AGAP1: variants seen among roughly 807,000 people sequenced by gnomAD.
AGAP1 encodes ArfGAP with GTPase domain, ankyrin repeat and PH domain 1.
In AGAP1, 29 loss-of-function variants were observed where a neutral mutation model predicts 105.3. The observed-to-expected ratio is 0.28, with a 90% confidence interval of 0.21 to 0.38. AGAP1 has a LOEUF of 0.38. AGAP1 is among the 10% of genes least tolerant of loss of function. The probability of loss-of-function intolerance (pLI) is 1.00; values close to 1 mark genes in which losing one functional copy is unlikely to be tolerated. For synonymous variants in AGAP1, 509 were observed against 485.9 expected (o/e 1.05, Z -0.63); for missense variants, 998 against 1,165.1 (o/e 0.86, Z 2.09).
At chr2:235,563,950 G>A (rs1051616297) in intron 1 of AGAP1, among the ~76,000 whole-genome samples, 2 of 152,106 alleles carry the variant, frequency 1.3e-5, no homozygotes, top group Non-Finnish European at 1.5e-5. Context: ...TGGGTGGGGG[G>A]TGTGGACAGG....
At position 235,801,551 on chromosome 2, in the gene AGAP1, C is replaced by T. The variant is rs1168238228; in HGVS notation, c.957+2029C>T. Among the ~76,000 whole-genome samples, 1 of 151,926 alleles carries T rather than the reference C, an allele frequency of 6.6e-6. No homozygotes were observed. The highest frequency in any genetic ancestry group is 1.5e-5 in the Non-Finnish European group (1 of 68,006). ...CAGCAGTCACCTAAATAGCTGCTTCCCAGCTCCGTCTAACACCTGGAGCAG... is the reference window on the plus strand; with the variant it reads ...CAGCAGTCACCTAAATAGCTGCTTCTCAGCTCCGTCTAACACCTGGAGCAG... On this transcript the variant is annotated intron_variant, in intron 8 of 17. Coordinates refer to ENST00000304032, the MANE Select transcript of AGAP1 (RefSeq NM_001037131.3). The surrounding 1 kb of genome is among the most constrained non-coding windows in gnomAD (Gnocchi z 6.0).
intron 6 of AGAP1, among the ~76,000 whole-genome samples, chr2:235,763,315 T>TA (rs1305756100): frequency 6.6e-6 from 1 of 151,874 alleles, no homozygotes. Flanking sequence ...AAAAAAAAAT[T>TA]AAAACACCCT....
intron 9 of AGAP1, among the ~76,000 whole-genome samples, chr2:235,862,041 A>G (rs977119366): frequency 6.6e-6 from 1 of 152,022 alleles, no homozygotes; most frequent in Non-Finnish European, 1.5e-5. Context: ...TGCCTCCTTC[A>G]GCTTGTACTA....
At chr2:235,985,662 A>T (rs925221178) in intron 13 of AGAP1, among the ~76,000 whole-genome samples, 2 of 152,204 alleles carry the variant, frequency 1.3e-5, no homozygotes, top group Non-Finnish European at 2.9e-5. Flanking sequence ...AGTTTTCTGC[A>T]TATGGCTAGC....
At chr2:236,011,047 C>CA (rs1576051099) in intron 13 of AGAP1, among the ~76,000 whole-genome samples, 2 of 151,830 alleles carry the variant, frequency 1.3e-5, no homozygotes, top group South Asian at 2.1e-4. Context: ...GACTCCATCT[C>CA]AAAAAAATGA....
chr2:235,787,005 G>GC lies in AGAP1; in HGVS notation c.674-10748dup, dbSNP rs1956682044. 6.6e-6 allele frequency among the ~76,000 whole-genome samples: 1 copy of GC among 152,046 alleles called. No individual in the cohort carries two copies. Among genetic ancestry groups the GC allele is most frequent in the Admixed American group, 6.6e-5 (1 of 15,256 alleles). On this transcript the variant is annotated intron_variant, in intron 6 of 17. Coordinates refer to ENST00000304032, the MANE Select transcript of AGAP1 (RefSeq NM_001037131.3). The surrounding 1 kb of genome is among the most constrained non-coding windows in gnomAD (Gnocchi z 4.4). ...ATCAGGCTTCCTTGAGGGAGCTGTC[G>GC]CCCCCCAAATCAGGGTCTTGACACC...
chr2:235,717,471 T>A (rs1437853948), intron 2 of AGAP1, 86 bp from the exon 3 acceptor site: 34 of 1,126,780 alleles, frequency 3.0e-5, no homozygotes, highest in Non-Finnish European at 2.5e-6. Flanking sequence ...TGTTTAGGCC[T>A]CCTGTCTATT....
In AGAP1 at chr2:235,777,218, C is replaced by T. The variant is rs1041255043; in HGVS notation, c.674-20541C>T. On this transcript the variant is annotated intron_variant, in intron 6 of 17. Transcript: ENST00000304032. This position sits in a 1 kb window ranked among gnomAD's most constrained non-coding sequence, Gnocchi z 5.1. ...CTAAAAATACAAAAAATTAGCCAGG[C>T]GTGCGCCTGTAATCCCAGCTACTCG... Among the ~76,000 whole-genome samples, 4 of 152,182 alleles carry T rather than the reference C, an allele frequency of 2.6e-5. No homozygotes were observed. Among genetic ancestry groups the T allele is most frequent in the Admixed American group, 6.5e-5 (1 of 15,284 alleles).
chr2:236,049,359 C>G, intron 16 of AGAP1, 78 bp downstream of exon 16: 3 of 1,365,280 alleles, frequency 2.2e-6, no homozygotes, highest in Non-Finnish European at 3.1e-6. Flanking sequence ...TAATGACAGC[C>G]ACGGTTGGGA....
intron 9 of AGAP1, among the ~76,000 whole-genome samples, chr2:235,816,362 C>T (rs1180319852): frequency 2.0e-5 from 3 of 149,108 alleles, no homozygotes; most frequent in South Asian, 2.1e-4. Context: ...CGCATGAACC[C>T]GGGAGGCGGA....
chr2:236,113,350 A>T lies in AGAP1; in HGVS notation c.2115-6842A>T, dbSNP rs954795957. ...GAGATGGGGTTTTACCATGTTGGCCAGGCTGGTGTCGAACTCCTGACCTCG... is the reference window on the plus strand; with the variant it reads ...GAGATGGGGTTTTACCATGTTGGCCTGGCTGGTGTCGAACTCCTGACCTCG... On this transcript the variant is annotated intron_variant, in intron 16 of 17. Transcript: ENST00000304032. The surrounding 1 kb of genome is among the most constrained non-coding windows in gnomAD (Gnocchi z 4.3). 1.3e-5 allele frequency among the ~76,000 whole-genome samples: 2 copies of T among 151,960 alleles called. No homozygotes were observed. Among genetic ancestry groups the T allele is most frequent in the Non-Finnish European group, 2.9e-5 (2 of 67,996 alleles).
At chr2:235,755,891 G>A (rs1397774307) in intron 6 of AGAP1, among the ~76,000 whole-genome samples, 1 of 152,164 alleles carries the variant, frequency 6.6e-6, no homozygotes, top group Admixed American at 6.5e-5. Flanking sequence ...GTATAGTTTT[G>A]GTGATGGGAT....
chr2:235,538,460 T>TGTGTGTGTGC lies in AGAP1; in HGVS notation c.163+43612_163+43613insTGTGTGTGCG, dbSNP rs1553561884. On this transcript the variant is annotated intron_variant, in intron 1 of 17. Transcript: ENST00000304032. Reference sequence around the variant, plus strand: ...GTGTGTGTGTGTGTGTGTGTGTGTGTGCATGCTTGTACGCCTGTGCACAGA... The same window carrying TGTGTGTGTGC: ...GTGTGTGTGTGTGTGTGTGTGTGTGTGTGTGTGTGCGCATGCTTGTACGCCTGTGCACAGA... 5.5e-3 allele frequency among the ~76,000 whole-genome samples: 824 copies of TGTGTGTGTGC among 150,524 alleles called. 8 individuals carry two copies. The highest frequency in any genetic ancestry group is 0.019 in the African/African-American group (768 of 40,164).
chr2:235,660,423 G>T lies in AGAP1; in HGVS notation c.164-48756G>T, dbSNP rs753378276. On this transcript the variant is annotated intron_variant, in intron 1 of 17. Coordinates refer to ENST00000304032, the MANE Select transcript of AGAP1 (RefSeq NM_001037131.3). The surrounding 1 kb of genome is among the most constrained non-coding windows in gnomAD (Gnocchi z 5.3). Reference sequence around the variant, plus strand: ...AGCAGCATTTATTAAGTAGAACATTGATAAGGGCTTGAGGGTGAGAGAAGT... The same window carrying T: ...AGCAGCATTTATTAAGTAGAACATTTATAAGGGCTTGAGGGTGAGAGAAGT... Among the ~76,000 whole-genome samples the T allele has an allele frequency of 6.6e-6, 1 of 152,180 alleles. No individual in the cohort carries two copies. The highest frequency in any genetic ancestry group is 1.5e-5 in the Non-Finnish European group (1 of 68,042).
At chr2:235,815,466 A>C (rs1958399677) in intron 9 of AGAP1, among the ~76,000 whole-genome samples, 1 of 152,176 alleles carries the variant, frequency 6.6e-6, no homozygotes, top group African/African-American at 2.4e-5. Context: ...ATACAGTCCC[A>C]CTGCGGGTGA....
At chr2:235,591,555 G>C (rs1038205098) in intron 1 of AGAP1, among the ~76,000 whole-genome samples, 3 of 152,108 alleles carry the variant, frequency 2.0e-5, no homozygotes, top group African/African-American at 7.2e-5. Flanking sequence ...CTCGAGTTTG[G>C]GATAAGCATA....
chr2:235,868,540 T>G (rs1410783893), intron 9 of AGAP1, among the ~76,000 whole-genome samples: 1 of 152,206 alleles, frequency 6.6e-6, no homozygotes, highest in Non-Finnish European at 1.5e-5. Flanking sequence ...AAATGTTCCC[T>G]CTGTGTAACG....
Position 235,599,282 on chromosome 2 carries a change from A to C in AGAP1, c.163+104433A>C, listed in dbSNP as rs1230654884. 1.3e-5 allele frequency among the ~76,000 whole-genome samples: 2 copies of C among 152,060 alleles called. No homozygotes were observed. The highest frequency in any genetic ancestry group is 2.9e-5 in the Non-Finnish European group (2 of 68,016). On this transcript the variant is annotated intron_variant, in intron 1 of 17. Transcript: ENST00000304032. The surrounding 1 kb of genome is among the most constrained non-coding windows in gnomAD (Gnocchi z 5.3). ...AGGGCCTGTGGGCTGCAGTACGTTT[A>C]CACTGTGTGTTGGGGGGGTGGCAGT...
intron 9 of AGAP1, among the ~76,000 whole-genome samples, chr2:235,819,782 G>A (rs1419574937): frequency 6.6e-6 from 1 of 151,986 alleles, no homozygotes; most frequent in African/African-American, 2.4e-5. Flanking sequence ...TCCGAGACAT[G>A]TTCTTTCTCC....
Sources: gnomAD v4.1 joint callset for allele counts (sites outside exome capture counted in the v4.1 genomes callset) on GRCh38, gnomAD v4.1.1 for gene constraint, Gnocchi (gnomAD v3.1) non-coding constraint, MANE v1.5 for transcripts, NCBI Gene and HGNC (gene_info 2026-07-23, HGNC 2026-07-21) for gene names.